The following NKIRAS1 variants were observed in gnomAD, a reference collection of about 807,000 sequenced individuals.
NKIRAS1 encodes NF-kappa-B inhibitor-interacting Ras-like protein 1.
NKIRAS1 carries 16 observed loss-of-function variants against 19.8 expected under a neutral mutation model. The ratio of observed to expected loss-of-function variants is 0.81; its 90% CI spans 0.55 to 1.23. NKIRAS1 has a LOEUF of 1.23. Ranked by LOEUF, NKIRAS1 falls within the 50% of genes most tolerant of loss-of-function variation. The probability of loss-of-function intolerance (pLI) is 0.00; values close to 1 mark genes in which losing one functional copy is unlikely to be tolerated. For synonymous variants in NKIRAS1, 88 were observed against 79.0 expected (o/e 1.11, Z -0.61); for missense variants, 184 against 220.0 (o/e 0.84, Z 1.04).
chr3:23,941,982 TATTTA>T (rs764941517), intron 1 of NKIRAS1, among the ~76,000 whole-genome samples: 9 of 136,584 alleles, frequency 6.6e-5, no homozygotes, highest in South Asian at 4.4e-4. Context: ...CTTATTTATT[TATTTA>T]TTTATTTTTG....
intron 1 of NKIRAS1, among the ~76,000 whole-genome samples, chr3:23,944,411 T>A (rs1169264041): frequency 6.6e-6 from 1 of 152,192 alleles, no homozygotes; most frequent in Non-Finnish European, 1.5e-5. Flanking sequence ...TACCATATCA[T>A]CTATTCATGC....
chr3:23,936,011 A>C (rs759889964), intron 1 of NKIRAS1, among the ~76,000 whole-genome samples: 1 of 146,354 alleles, frequency 6.8e-6, no homozygotes, highest in Non-Finnish European at 1.5e-5. Flanking sequence ...TGAGCCCAGA[A>C]ATTCGAGGCT....
chr3:23,917,874 G>A, upstream of NKIRAS1: 2 of 1,609,136 alleles, frequency 1.2e-6, no homozygotes, highest in Admixed American at 1.7e-5. Context: ...GTGCATACAA[G>A]TACATCCAGG....
upstream of NKIRAS1, chr3:23,917,164 C>G (rs1325011322): frequency 2.6e-5 from 4 of 153,026 alleles, no homozygotes; most frequent in African/African-American, 9.6e-5. Flanking sequence ...CGTCTGGCGG[C>G]AGCCATCAGG....
At chr3:23,946,121 C>T in intron 1 of NKIRAS1, 9 of 985,014 alleles carry the variant, frequency 9.1e-6, no homozygotes, top group Non-Finnish European at 1.1e-5. Context: ...CGCCGCGATT[C>T]CCTCCTCCCC....
At chr3:23,945,679 G>A (rs1461343431) in intron 1 of NKIRAS1, 2 of 874,022 alleles carry the variant, frequency 2.3e-6, no homozygotes, top group African/African-American at 3.6e-5. Flanking sequence ...GCGGCAGGGG[G>A]TGTCCCCATG....
chr3:23,904,980 A>C (rs1418937689), intron 3 of NKIRAS1, among the ~76,000 whole-genome samples: 1 of 152,186 alleles, frequency 6.6e-6, no homozygotes, highest in Non-Finnish European at 1.5e-5. Flanking sequence ...GCTACGGCAA[A>C]ATGGATGAAT....
intron 3 of NKIRAS1, among the ~76,000 whole-genome samples, chr3:23,906,228 A>G (rs567029933): frequency 8.5e-4 from 130 of 152,104 alleles, no homozygotes; most frequent in African/African-American, 3.1e-3. Flanking sequence ...GGCACAGTAG[A>G]TAAGAGGACA....
rs764682109 is a variant in NKIRAS1 at position 23,910,838 on chromosome 3, G to A, written c.67C>T (p.Gln23Ter). The change falls in exon 3 of 5, where the codon CAG becomes TAG. Residue 23 changes from glutamine to a stop codon, truncating the protein, a stop_gained. Transcript: ENST00000425478. LOFTEE classifies it high-confidence loss of function. ...ATAGTATGATTTCCATAAAGGAGCT[G>A]CTCCAAAATTGCAGTTTTCCCCACA... ...LSVGKTAILE[Q>*]LLYGNHTIGM... 12 of 1,613,774 alleles carry A rather than the reference G, an allele frequency of 7.4e-6. No homozygotes were observed. Among genetic ancestry groups the A allele is most frequent in the Non-Finnish European group, 1.0e-5 (12 of 1,179,700 alleles).
rs1705123755 is a variant in NKIRAS1, at chr3:23,922,530, G to A, written c.-139-11080C>T. On this transcript the variant is annotated intron_variant, in intron 1 of 4. Coordinates refer to the NKIRAS1 transcript ENST00000421515. The surrounding 1 kb of genome is among the most constrained non-coding windows in gnomAD (Gnocchi z 4.2). ...AGCCTCCCGAGTAGCTGGGACTACA[G>A]GCACGCACCACCACACCCAGCTAAT... 6.6e-6 allele frequency: 1 copy of A among 152,240 alleles called. No individual in the cohort carries two copies. Among genetic ancestry groups the A allele is most frequent in the Non-Finnish European group, 1.5e-5 (1 of 68,180 alleles). The allele number at this position is 152,240 out of a possible 1,614,324, so 9.4% of individuals were successfully genotyped here.
intron 1 of NKIRAS1, among the ~76,000 whole-genome samples, chr3:23,937,406 T>A (rs1371552599): frequency 1.3e-5 from 2 of 152,184 alleles, no homozygotes; most frequent in African/African-American, 2.4e-5. Context: ...GAACTCATGC[T>A]AGGAGAGATT....
intron 1 of NKIRAS1, chr3:23,946,221 A>G: frequency 3.0e-6 from 3 of 985,430 alleles, no homozygotes; most frequent in Non-Finnish European, 3.6e-6. Flanking sequence ...CTGACACCGC[A>G]GTGCACCGGA....
upstream of NKIRAS1, chr3:23,919,344 A>C (rs370700905): frequency 3.7e-6 from 6 of 1,602,736 alleles, no homozygotes; most frequent in Non-Finnish European, 5.1e-6. Flanking sequence ...TGGATCACCA[A>C]ACCAGTCCAC....
chr3:23,922,728 C>T lies in NKIRAS1; in HGVS notation c.-139-11278G>A, dbSNP rs1394808137. 6.6e-6 allele frequency: 1 copy of T among 152,172 alleles called. No individual in the cohort carries two copies. The highest frequency in any genetic ancestry group is 1.5e-5 in the Non-Finnish European group (1 of 68,034). 9.4% of individuals were successfully genotyped at this position (152,172 alleles called of 1,614,324 possible). On this transcript the variant is annotated intron_variant, in intron 1 of 4. Coordinates refer to the NKIRAS1 transcript ENST00000421515. The surrounding 1 kb of genome is among the most constrained non-coding windows in gnomAD (Gnocchi z 4.2). ...AGATAATACATTAACGTTAAAAATTCAAAAGATAAGTATAGGCTCTACAGT... is the reference window on the plus strand; with the variant it reads ...AGATAATACATTAACGTTAAAAATTTAAAAGATAAGTATAGGCTCTACAGT...
intron 1 of NKIRAS1, chr3:23,945,222 CG>C (rs2125274888): frequency 7.2e-6 from 1 of 139,052 alleles, no homozygotes; most frequent in South Asian, 2.4e-4. Context: ...CCGCAGCGGC[CG>C]GCCGAGGGCG....
chr3:23,915,947 C>G (rs1380891680), intron 1 of NKIRAS1: 2 of 152,238 alleles, frequency 1.3e-5, no homozygotes, highest in African/African-American at 4.8e-5. Context: ...ACCCAAAACA[C>G]AGCTTACTTC....
intron 1 of NKIRAS1, among the ~76,000 whole-genome samples, chr3:23,941,400 A>G (rs1459673950): frequency 6.6e-6 from 1 of 152,162 alleles, no homozygotes; most frequent in African/African-American, 2.4e-5. Context: ...AATTGTATGT[A>G]AGGGCTAATG....
At chr3:23,946,097 C>T (rs1264548958) in intron 1 of NKIRAS1, 26 of 984,626 alleles carry the variant, frequency 2.6e-5, no homozygotes, top group Non-Finnish European at 3.1e-5. Flanking sequence ...TTGGAAGCCT[C>T]GGGGCAGTGA....
rs1411351221 is a variant in NKIRAS1 at position 23,926,336 on chromosome 3, G to C, written c.-139-14886C>G. ...CAAAGTGCTGGGATTATAGGTATGA[G>C]CCATGGCGCCCGGCCATAGTACTGA... On this transcript the variant is annotated intron_variant, in intron 1 of 4. Transcript: ENST00000421515. The surrounding 1 kb of genome is among the most constrained non-coding windows in gnomAD (Gnocchi z 4.3). Among the ~76,000 whole-genome samples the C allele has an allele frequency of 2.0e-5, 3 of 152,186 alleles. No homozygotes were observed. The highest frequency in any genetic ancestry group is 2.0e-4 in the Admixed American group (3 of 15,282).
Sources: gnomAD v4.1 joint callset for allele counts (sites outside exome capture counted in the v4.1 genomes callset) on GRCh38, gnomAD v4.1.1 for gene constraint, Gnocchi (gnomAD v3.1) non-coding constraint, MANE v1.5 for transcripts, NCBI Gene and HGNC (gene_info 2026-07-23, HGNC 2026-07-21) for gene names.